The following GRIA3 variants were observed in gnomAD, a reference collection of about 807,000 sequenced individuals.
GRIA3 encodes the protein glutamate receptor 3.
Under a neutral mutation model 63.0 loss-of-function variants are expected in GRIA3, and 3 were observed. The observed-to-expected ratio is 0.05, with a 90% CI of 0.02 to 0.12. The LOEUF is 0.12. Among genes scored for constraint, GRIA3 ranks in the 10% least tolerant of loss-of-function variants. The probability of loss-of-function intolerance (pLI) is 1.00; values close to 1 mark genes in which losing one functional copy is unlikely to be tolerated. For missense variants in GRIA3, 347 were observed against 700.9 expected, an observed-to-expected ratio of 0.50 and a Z score of 5.70; for synonymous variants, 274 against 257.9, an observed-to-expected ratio of 1.06 and a Z score of -0.60.
chrX:123,377,468 C>T (rs1043946783), intron 5 of GRIA3, among the ~76,000 whole-genome samples: 15 of 111,699 alleles, frequency 1.3e-4, no homozygotes, highest in Non-Finnish European at 2.6e-4. Flanking sequence ...TTGTAAGTTC[C>T]TTATTTCTGT....
chrX:123,389,055 T>C (rs1247019095), intron 5 of GRIA3, among the ~76,000 whole-genome samples: 1 of 112,513 alleles, frequency 8.9e-6, no homozygotes, highest in Non-Finnish European at 1.9e-5. Context: ...TGATTTCTAA[T>C]TAAACTCCTT....
chrX:123,338,458 G>A (rs1253503370), intron 4 of GRIA3, among the ~76,000 whole-genome samples: 1 of 112,022 alleles, frequency 8.9e-6, no homozygotes, highest in Non-Finnish European at 1.9e-5. Flanking sequence ...TCCTGCTATG[G>A]TTCTTAGCAC....
intron 3 of GRIA3, among the ~76,000 whole-genome samples, chrX:123,263,394 G>A (rs1337485182): frequency 8.9e-6 from 1 of 112,371 alleles, no homozygotes; most frequent in Admixed American, 9.3e-5. Flanking sequence ...AGTGTCGGCT[G>A]CTGTCCTGCT....
intron 3 of GRIA3, among the ~76,000 whole-genome samples, chrX:123,268,027 C>T (rs775265035): frequency 4.7e-4 from 53 of 111,617 alleles, no homozygotes; most frequent in African/African-American, 1.7e-3. Flanking sequence ...TAAAGACAAA[C>T]GTTACTGATC....
intron 5 of GRIA3, among the ~76,000 whole-genome samples, chrX:123,392,313 C>A (rs1215400161): frequency 9.0e-6 from 1 of 111,660 alleles, no homozygotes; most frequent in Non-Finnish European, 1.9e-5. Flanking sequence ...AAGCCCAGCC[C>A]TGCATTCAAG....
intron 3 of GRIA3, among the ~76,000 whole-genome samples, chrX:123,293,283 G>A (rs186129165): frequency 4.0e-4 from 44 of 111,279 alleles, no homozygotes; most frequent in Non-Finnish European, 7.0e-4. Context: ...GGGATATTTA[G>A]ACCCATTTCT....
intron 2 of GRIA3, among the ~76,000 whole-genome samples, chrX:123,245,812 A>G (rs1160757969): frequency 8.9e-6 from 1 of 111,891 alleles, no homozygotes; most frequent in South Asian, 3.7e-4. Context: ...TTATCCCATC[A>G]TTAGTAATAG....
At chrX:123,227,645 C>T (rs2044254737) in intron 2 of GRIA3, among the ~76,000 whole-genome samples, 1 of 111,896 alleles carries the variant, frequency 8.9e-6, no homozygotes, top group African/African-American at 3.2e-5. Context: ...ACACAATTGC[C>T]CAATTGTCTG....
intron 4 of GRIA3, among the ~76,000 whole-genome samples, chrX:123,346,766 C>G (rs775633208): frequency 8.9e-6 from 1 of 112,134 alleles, no homozygotes; most frequent in Non-Finnish European, 1.9e-5. Context: ...ATCCTCCAGG[C>G]TAAGGACCAG....
chrX:123,215,787 G>A (rs1233041261), intron 2 of GRIA3, among the ~76,000 whole-genome samples: 2 of 111,752 alleles, frequency 1.8e-5, no homozygotes, highest in African/African-American at 6.5e-5. Flanking sequence ...CCAAACTGAT[G>A]CAAAATGCAT....
At chrX:123,452,251 T>A (rs1433632290) in intron 12 of GRIA3, among the ~76,000 whole-genome samples, 1 of 110,653 alleles carries the variant, frequency 9.0e-6, no homozygotes, top group East Asian at 2.9e-4. Flanking sequence ...ACAGAAGCAG[T>A]CATCAGTAGC....
chrX:123,292,980 GT>G lies in GRIA3; in HGVS notation c.509-33044del, dbSNP rs755046024. On this transcript the variant is annotated intron_variant, in intron 3 of 15. Coordinates refer to ENST00000620443, the MANE Select transcript of GRIA3 (RefSeq NM_007325.5). ...ATGTTATCTGGGATTAGTTTATCTG[GT>G]TGGCCTATTGTCACCCAGAAGAGAT... 7.2e-5 allele frequency among the ~76,000 whole-genome samples: 8 copies of G among 110,963 alleles called. No individual in the cohort carries two copies. The South Asian group carries it at 3.1e-3, about 43-fold the overall frequency.
rs778452914 is a variant in GRIA3, at chrX:123,345,209, C to A, written c.697-9701C>A. ...TCCTATAATGAAGCACGAATAAGGC[C>A]AAGAGCTAGATGCTACTGTCAGAGT... On this transcript the variant is annotated intron_variant, in intron 4 of 15. Transcript: ENST00000620443. 5.4e-5 allele frequency among the ~76,000 whole-genome samples: 6 copies of A among 111,233 alleles called. No individual in the cohort carries two copies. The East Asian group carries it at 1.7e-3, about 32-fold the overall frequency.
At chrX:123,436,471 C>T (rs181879187) in intron 12 of GRIA3, among the ~76,000 whole-genome samples, 160 of 112,104 alleles carry the variant, frequency 1.4e-3, no homozygotes, top group African/African-American at 5.1e-3. Flanking sequence ...CCTTTGTGGC[C>T]TGCAGATTCA....
At chrX:123,357,008 T>C (rs2045138071) in intron 5 of GRIA3, among the ~76,000 whole-genome samples, 1 of 111,871 alleles carries the variant, frequency 8.9e-6, no homozygotes, top group African/African-American at 3.2e-5. Context: ...TACAGGTCTA[T>C]ACCAGTAACA....
chrX:123,358,949 G>A (rs1236491601), intron 5 of GRIA3: 1 of 111,603 alleles, frequency 9.0e-6, no homozygotes, highest in Admixed American at 9.6e-5. Context: ...AAGGGCAGGA[G>A]GCAGTGTGGT....
intron 12 of GRIA3, among the ~76,000 whole-genome samples, chrX:123,437,939 T>C (rs2045654612): frequency 8.9e-6 from 1 of 112,166 alleles, no homozygotes; most frequent in African/African-American, 3.2e-5. Context: ...AATTCATCCA[T>C]TTAAAGGGTA....
chrX:123,407,041 C>G, intron 10 of GRIA3, among the ~76,000 whole-genome samples: 1 of 111,687 alleles, frequency 9.0e-6, no homozygotes, highest in Admixed American at 9.5e-5. Context: ...GAATCAATGC[C>G]TGGCATACAG....
chrX:123,431,125 A>C (rs770748098), intron 12 of GRIA3, among the ~76,000 whole-genome samples: 1 of 111,519 alleles, frequency 9.0e-6, no homozygotes, highest in African/African-American at 3.3e-5. Context: ...AACATTTACA[A>C]ACATAATATG....
Sources: gnomAD v4.1 joint callset for allele counts (sites outside exome capture counted in the v4.1 genomes callset) on GRCh38, gnomAD v4.1.1 for gene constraint, MANE v1.5 for transcripts, NCBI Gene and HGNC (gene_info 2026-07-23, HGNC 2026-07-21) for gene names.